GABPB1: variants seen among roughly 807,000 people sequenced by gnomAD.
GABPB1 encodes GA-binding protein subunit beta-1.
Under a neutral mutation model 45.9 loss-of-function variants are expected in GABPB1, and 15 were observed. The ratio of observed to expected loss-of-function variants is 0.33; its 90% CI spans 0.22 to 0.50. The LOEUF (loss-of-function observed/expected upper bound fraction) is 0.50, where lower values mean the gene tolerates loss of function less well. Ranked by LOEUF, GABPB1 falls within the 20% of genes least tolerant of loss-of-function variation. The pLI is 0.98. For synonymous variants in GABPB1, 143 were observed against 154.4 expected, an observed-to-expected ratio of 0.93 and a Z score of 0.55; for missense variants, 252 against 457.5, an observed-to-expected ratio of 0.55 and a Z score of 4.10.
At chr15:50,336,329 G>C (rs2048123689) in intron 1 of GABPB1, among the ~76,000 whole-genome samples, 2 of 149,838 alleles carry the variant, frequency 1.3e-5, no homozygotes, top group Non-Finnish European at 3.0e-5. Flanking sequence ...ACTCCAGCGT[G>C]GGCAACAGAG....
chr15:50,325,449 C>CAA (rs57252015), intron 1 of GABPB1, among the ~76,000 whole-genome samples: 14 of 139,882 alleles, frequency 1.0e-4, no homozygotes, highest in Non-Finnish European at 4.7e-5. Flanking sequence ...CAATCAATGA[C>CAA]AAAAAAAAAA....
At chr15:50,311,499 T>G (rs936955725) in intron 1 of GABPB1, among the ~76,000 whole-genome samples, 3 of 152,198 alleles carry the variant, frequency 2.0e-5, no homozygotes, top group Non-Finnish European at 4.4e-5. Context: ...AGGTTGAGTA[T>G]CCCTAATCCA....
intron 7 of GABPB1, among the ~76,000 whole-genome samples, chr15:50,289,217 A>G (rs2046264741): frequency 6.6e-6 from 1 of 152,130 alleles, no homozygotes; most frequent in South Asian, 2.1e-4. Context: ...TTTGGGGCCA[A>G]TTTCTCTTTC....
chr15:50,289,311 A>G (rs1304297401), intron 7 of GABPB1, among the ~76,000 whole-genome samples, 172 bp downstream of exon 7: 1 of 152,232 alleles, frequency 6.6e-6, no homozygotes, highest in Non-Finnish European at 1.5e-5. Context: ...AGTCTATTGC[A>G]AAGGGTTATA....
intron 1 of GABPB1, among the ~76,000 whole-genome samples, chr15:50,310,611 C>T (rs1156799027): frequency 2.0e-5 from 3 of 152,126 alleles, no homozygotes; most frequent in East Asian, 3.8e-4. Flanking sequence ...TATTTAAGTT[C>T]TTGCAGAAAG....
intron 6 of GABPB1, among the ~76,000 whole-genome samples, chr15:50,294,970 G>A (rs2046464255): frequency 1.3e-5 from 2 of 152,120 alleles, no homozygotes; most frequent in Non-Finnish European, 1.5e-5. Context: ...TGTACCACAA[G>A]GAAGAATAAA....
At chr15:50,287,594 G>C (rs2046207911) in intron 7 of GABPB1, among the ~76,000 whole-genome samples, 1 of 152,178 alleles carries the variant, frequency 6.6e-6, no homozygotes, top group South Asian at 2.1e-4. Context: ...AAACCAAGGA[G>C]AGCAGCCTCA....
intron 2 of GABPB1, among the ~76,000 whole-genome samples, chr15:50,306,012 T>C (rs2046936697): frequency 6.6e-6 from 1 of 152,106 alleles, no homozygotes; most frequent in Non-Finnish European, 1.5e-5. Context: ...TCTTGCTCTG[T>C]CGCCCAGGCT....
intron 7 of GABPB1, among the ~76,000 whole-genome samples, chr15:50,287,002 A>G (rs889819043): frequency 2.0e-5 from 3 of 152,186 alleles, no homozygotes; most frequent in African/African-American, 7.2e-5. Flanking sequence ...AAATGTAAAT[A>G]AAAATTTAAA....
At chr15:50,288,433 G>C (rs1460559905) in intron 7 of GABPB1, among the ~76,000 whole-genome samples, 3 of 152,122 alleles carry the variant, frequency 2.0e-5, no homozygotes, top group Admixed American at 2.0e-4. Flanking sequence ...GCTTACTTAG[G>C]CACTTTCTAC....
Position 50,303,980 on chromosome 15 carries a change from C to G in GABPB1, c.262G>C (p.Glu88Gln). Residue 88 changes from glutamate to glutamine, a missense_variant, in exon 3 of 9, where the codon GAG becomes CAG. Around this residue, in one of 4 missense-constraint regions of GABPB1, gnomAD observed 35 missense variants for 143.7 expected, o/e 0.24. Coordinates refer to ENST00000380877, the MANE Select transcript of GABPB1 (RefSeq NM_016654.5). ...AGAACACATACCTTAAGTAAAACCT[C>G]TACTATGCTGGCATGGCCCTCAGAA... is the stretch of plus-strand genomic sequence containing the variant. ...AASEGHASIV[E>Q]VLLKHGADVN... 1 of 1,603,446 alleles carries G rather than the reference C, an allele frequency of 6.2e-7. No homozygotes were observed. The highest frequency in any genetic ancestry group is 8.5e-7 in the Non-Finnish European group (1 of 1,176,700).
At chr15:50,333,722 C>T (rs2048021629) in intron 1 of GABPB1, among the ~76,000 whole-genome samples, 1 of 152,038 alleles carries the variant, frequency 6.6e-6, no homozygotes, top group Admixed American at 6.6e-5. Context: ...TGCTGATTTC[C>T]ACTGTTGCTG....
At chr15:50,293,135 ACT>A (rs141035047) in intron 6 of GABPB1, among the ~76,000 whole-genome samples, 71,496 of 151,914 alleles carry the variant, frequency 0.47, 18,230 homozygotes, top group Middle Eastern at 0.65. Flanking sequence ...AAATAAAACC[ACT>A]CTCTACTAAA....
At chr15:50,298,484 A>G (rs1473128158) in intron 6 of GABPB1, among the ~76,000 whole-genome samples, 3 of 152,244 alleles carry the variant, frequency 2.0e-5, no homozygotes, top group South Asian at 2.1e-4. Flanking sequence ...CTGCAATTAC[A>G]TAAGTATTAA....
chr15:50,291,917 C>CAAAA (rs1369368939), intron 6 of GABPB1, among the ~76,000 whole-genome samples: 7 of 83,412 alleles, frequency 8.4e-5, no homozygotes, highest in African/African-American at 1.9e-4. Flanking sequence ...GACTCTGTCT[C>CAAAA]AAAAAAAAAA....
chr15:50,289,749 T>C, intron 6 of GABPB1, 81 bp from the exon 7 acceptor site: 1 of 1,035,880 alleles, frequency 9.7e-7, no homozygotes, highest in Non-Finnish European at 1.4e-6. Flanking sequence ...CTGCTACTTT[T>C]GCTTTCTATG....
chr15:50,339,657 T>C (rs1347317499), intron 1 of GABPB1, among the ~76,000 whole-genome samples: 1 of 151,850 alleles, frequency 6.6e-6, no homozygotes, highest in Non-Finnish European at 1.5e-5. Context: ...TTAGTCATAA[T>C]TTTCTAAAAA....
chr15:50,299,103 C>A (rs2046632355), intron 6 of GABPB1, among the ~76,000 whole-genome samples: 1 of 152,020 alleles, frequency 6.6e-6, no homozygotes, highest in East Asian at 1.9e-4. Context: ...AAATATTTAT[C>A]ACAGTGCCTA....
chr15:50,328,151 T>C (rs2047834209), intron 1 of GABPB1, among the ~76,000 whole-genome samples: 1 of 152,054 alleles, frequency 6.6e-6, no homozygotes, highest in East Asian at 1.9e-4. Flanking sequence ...TATGTGTGTT[T>C]GTGTGTTTGA....
Sources: gnomAD v4.1 joint callset for allele counts (sites outside exome capture counted in the v4.1 genomes callset) on GRCh38, gnomAD v4.1.1 for gene constraint, gnomAD v4.1.1 regional missense constraint, MANE v1.5 for transcripts, NCBI Gene and HGNC (gene_info 2026-07-23, HGNC 2026-07-21) for gene names.